STPG1: variants seen among roughly 807,000 people sequenced by gnomAD.
The protein encoded by STPG1 is O(6)-methylguanine-induced apoptosis 2.
A neutral mutation model predicts 40.1 loss-of-function variants in STPG1; 33 were observed. The ratio of observed to expected loss-of-function variants is 0.82; its 90% CI spans 0.62 to 1.10. The LOEUF (loss-of-function observed/expected upper bound fraction) is 1.10, where lower values mean the gene tolerates loss of function less well. Among genes scored for constraint, STPG1 ranks in the 50% least tolerant of loss-of-function variants. STPG1 has a pLI of 0.00. For synonymous variants in STPG1, 150 were observed against 155.0 expected (o/e 0.97, Z 0.24); for missense variants, 396 against 415.1 (o/e 0.95, Z 0.40).
intron 3 of STPG1, among the ~76,000 whole-genome samples, chr1:24,390,812 T>A (rs965291473): frequency 2.0e-5 from 3 of 150,202 alleles, no homozygotes; most frequent in Non-Finnish European, 3.0e-5. Flanking sequence ...TTTTTTTTTT[T>A]AATTTCAGAC....
intron 1 of STPG1, among the ~76,000 whole-genome samples, chr1:24,402,614 A>G (rs1643267938): frequency 6.6e-5 from 10 of 151,928 alleles, no homozygotes. Context: ...ATAAAAAATT[A>G]GCCAGCCTGT....
At chr1:24,382,102 T>C (rs1642310910) in intron 4 of STPG1, among the ~76,000 whole-genome samples, 1 of 152,236 alleles carries the variant, frequency 6.6e-6, no homozygotes, top group African/African-American at 2.4e-5. Context: ...TTTAAAGGCC[T>C]GAAAGGCGTG....
intron 2 of STPG1, among the ~76,000 whole-genome samples, chr1:24,400,159 T>C (rs1281922849): frequency 6.6e-6 from 1 of 152,196 alleles, no homozygotes; most frequent in Non-Finnish European, 1.5e-5. Context: ...AAATAAATTG[T>C]GGTGTATTCA....
intron 7 of STPG1, among the ~76,000 whole-genome samples, chr1:24,367,606 C>T (rs886468144): frequency 1.3e-5 from 2 of 152,144 alleles, no homozygotes; most frequent in Admixed American, 6.5e-5. Flanking sequence ...GCAACCTCCA[C>T]CTCCCCGGTT....
chr1:24,394,640 AC>A (rs1403058934), intron 2 of STPG1, among the ~76,000 whole-genome samples: 28 of 152,334 alleles, frequency 1.8e-4, no homozygotes, highest in African/African-American at 6.0e-4. Context: ...AGATATAATG[AC>A]AAGATCCAAA....
intron 6 of STPG1, among the ~76,000 whole-genome samples, chr1:24,372,349 G>A (rs1383216474): frequency 1.3e-5 from 2 of 152,170 alleles, no homozygotes; most frequent in African/African-American, 2.4e-5. Context: ...ATGGGGCTTT[G>A]GAGCATTCAG....
intron 1 of STPG1, among the ~76,000 whole-genome samples, chr1:24,410,307 C>G (rs760287089): frequency 3.3e-5 from 5 of 152,068 alleles, no homozygotes; most frequent in Non-Finnish European, 7.4e-5. Flanking sequence ...TACAAAAAAA[C>G]TTTAAACAAT....
intron 1 of STPG1, among the ~76,000 whole-genome samples, chr1:24,404,698 G>A (rs1251610459): frequency 2.0e-5 from 3 of 152,072 alleles, no homozygotes; most frequent in African/African-American, 7.2e-5. Flanking sequence ...AAACTTACGG[G>A]CATAAAGTCA....
chr1:24,373,593 C>T, intron 6 of STPG1, 109 bp downstream of exon 6: 1 of 760,018 alleles, frequency 1.3e-6, no homozygotes, highest in Admixed American at 1.8e-5. Context: ...TCCTCCCCAC[C>T]CAAAGACTAA....
chr1:24,390,384 G>A lies in STPG1; in HGVS notation c.189+1177C>T, dbSNP rs140761848. ...GGCAAGATTTAGGGAAGGGGGGGTG[G>A]TGGGTGACACAGGAATATGATAACA... On this transcript the variant is annotated intron_variant, in intron 3 of 8. Coordinates refer to ENST00000337248, the MANE Select transcript of STPG1 (RefSeq NM_001199013.2). Among the ~76,000 whole-genome samples, 265 of 152,252 alleles carry A rather than the reference G, an allele frequency of 1.7e-3. 1 individual carries two copies. The highest frequency in any genetic ancestry group is 5.9e-3 in the African/African-American group (247 of 41,538).
intron 1 of STPG1, among the ~76,000 whole-genome samples, chr1:24,405,923 A>G (rs914097778): frequency 6.6e-6 from 1 of 151,960 alleles, no homozygotes; most frequent in Non-Finnish European, 1.5e-5. Flanking sequence ...ATATTTAATT[A>G]TTGAGTTTTC....
At chr1:24,364,736 A>G (rs1044564730) in intron 7 of STPG1, among the ~76,000 whole-genome samples, 12 of 152,218 alleles carry the variant, frequency 7.9e-5, no homozygotes, top group Non-Finnish European at 1.5e-4. Context: ...AACCCAGGGC[A>G]GCCCACAGTG....
chr1:24,360,746 C>A (rs1345903354), intron 8 of STPG1, 105 bp downstream of exon 8: 6 of 1,018,512 alleles, frequency 5.9e-6, no homozygotes, highest in East Asian at 4.9e-5. Context: ...ATCCCTGTAA[C>A]CTATTTGGGA....
At position 24,413,741 on chromosome 1, in the gene STPG1, A is replaced by T. The variant is rs1296835138; in HGVS notation, c.-136T>A. ...CGGTCGCTATGGCACCCACAGGCCT[A>T]ACATTCGCGAGTCCACCTTCCGCCG... On this transcript the variant is annotated 5_prime_UTR_variant, in exon 1 of 9. An upstream open reading frame in the 5' UTR gains an earlier in-frame stop. Transcript: ENST00000337248. 6.6e-6 allele frequency: 1 copy of T among 152,312 alleles called. No homozygotes were observed. Among genetic ancestry groups the T allele is most frequent in the Non-Finnish European group, 1.5e-5 (1 of 68,116 alleles). The allele number at this position is 152,312 out of a possible 1,614,324, so 9.4% of individuals were successfully genotyped here.
intron 2 of STPG1, among the ~76,000 whole-genome samples, chr1:24,393,490 G>C (rs1250858940): frequency 2.6e-5 from 4 of 152,184 alleles, no homozygotes; most frequent in African/African-American, 7.2e-5. Flanking sequence ...ACAGCTAAGA[G>C]AGTGTGCAGA....
At chr1:24,370,766 T>C (rs1037005173) in intron 6 of STPG1, among the ~76,000 whole-genome samples, 4 of 151,216 alleles carry the variant, frequency 2.6e-5, no homozygotes, top group Non-Finnish European at 5.9e-5. Context: ...GCTGGGATTA[T>C]AGGCGTGAGC....
At position 24,369,719 on chromosome 1, in the gene STPG1, T is replaced by C. The variant is rs1411004795; in HGVS notation, c.692A>G (p.Tyr231Cys). The C allele has an allele frequency of 6.2e-7, 1 of 1,610,470 alleles. No individual in the cohort carries two copies. The highest frequency in any genetic ancestry group is 1.1e-5 in the South Asian group (1 of 90,720). Residue 231 changes from tyrosine to cysteine, a missense_variant, in exon 7 of 9, where the codon TAC becomes TGC. Physicochemically the swap from Tyr to Cys is radical, Grantham distance 194 (BLOSUM62 -2). Coordinates refer to ENST00000337248, the MANE Select transcript of STPG1 (RefSeq NM_001199013.2). ...AACTTTTGTGCAATCACTGGGGTTG[T>C]AATAACCAGGTCCCGGGCCTGTTGA... ...LTSTGPGPGYYNPSDCTKVPK... is the reference protein window; with the variant it reads ...LTSTGPGPGYCNPSDCTKVPK...
chr1:24,357,965 A>G lies in STPG1; in HGVS notation c.*578T>C. On this transcript the variant is annotated 3_prime_UTR_variant, in exon 9 of 9. Transcript: ENST00000337248. ...AAAAGGAGTAAAGAGAGGTCTTTCC[A>G]AACAGGTGGTCACTTTAGAAAGGAA... The G allele has an allele frequency of 2.9e-6, 1 of 345,510 alleles. No homozygotes were observed. Among genetic ancestry groups the G allele is most frequent in the Non-Finnish European group, 5.7e-6 (1 of 174,284 alleles). 21.4% of individuals were successfully genotyped at this position (345,510 alleles called of 1,614,324 possible).
At chr1:24,363,665 C>T (rs771042041) in intron 7 of STPG1, among the ~76,000 whole-genome samples, 11 of 152,038 alleles carry the variant, frequency 7.2e-5, no homozygotes, top group African/African-American at 4.8e-5. Flanking sequence ...GAAATCTGTT[C>T]GAATAGAGGT....
Sources: allele counts gnomAD v4.1 joint callset (sites outside exome capture counted in the v4.1 genomes callset), GRCh38; gene constraint gnomAD v4.1.1; transcripts MANE v1.5; gene names NCBI Gene and HGNC (gene_info 2026-07-23, HGNC 2026-07-21).